Variants in ZNF831 observed in about 807,000 individuals in gnomAD.
ZNF831 encodes the protein chromosome 20 open reading frame 174.
ZNF831 carries 59 observed loss-of-function variants against 95.8 expected under a neutral mutation model. That is an observed-to-expected ratio of 0.62 (90% CI 0.50 to 0.77). The LOEUF is 0.77. ZNF831 is among the 30% of genes least tolerant of loss of function. The pLI is 0.00. For missense variants in ZNF831, 2,205 were observed against 2,164.0 expected, an observed-to-expected ratio of 1.02 and a Z score of -0.38; for synonymous variants, 961 against 925.5, an observed-to-expected ratio of 1.04 and a Z score of -0.70.
chr20:59,188,656 C>CAATAAATAAATAAATAAATA, intron 1 of ZNF831, among the ~76,000 whole-genome samples: 1 of 149,346 alleles, frequency 6.7e-6, no homozygotes, highest in African/African-American at 2.5e-5. Context: ...GACTCCATCT[C>CAATAAATAAATAAATAAATA]AATAAATAAA....
chr20:59,205,367 A>T (rs1271446387), intron 3 of ZNF831, among the ~76,000 whole-genome samples: 1 of 152,146 alleles, frequency 6.6e-6, no homozygotes, highest in African/African-American at 2.4e-5. Context: ...TGCTTCAAAG[A>T]ACAAACCAGC....
intron 4 of ZNF831, among the ~76,000 whole-genome samples, chr20:59,239,061 G>T (rs896669385): frequency 1.3e-5 from 2 of 152,214 alleles, no homozygotes; most frequent in African/African-American, 4.8e-5. Context: ...ACTCCATGAA[G>T]TGATAGAAAG....
In ZNF831 at chr20:59,194,765, T is replaced by TG. The variant is rs766240785; in HGVS notation, c.3738+11dup. 6.5e-7 allele frequency: 1 copy of TG among 1,542,680 alleles called. No individual in the cohort carries two copies. The highest frequency in any genetic ancestry group is 8.7e-7 in the Non-Finnish European group (1 of 1,146,960). Reference sequence around the variant, plus strand: ...CCGGCGCAGATGTCCAAGGTAAAGCTGGGCTTTGCCCCAGGGCCCGGGGTT... The same window carrying TG: ...CCGGCGCAGATGTCCAAGGTAAAGCTGGGGCTTTGCCCCAGGGCCCGGGGTT... On this transcript the variant is annotated intron_variant, in intron 2 of 5. Coordinates refer to ENST00000371030, the MANE Select transcript of ZNF831 (RefSeq NM_178457.3).
At chr20:59,157,150 T>C (rs1980587601) in intron 2 of ZNF831, among the ~76,000 whole-genome samples, 1 of 152,236 alleles carries the variant, frequency 6.6e-6, no homozygotes, top group African/African-American at 2.4e-5. Context: ...TGTTGTGCTA[T>C]CAAATTCTAG....
intron 1 of ZNF831, among the ~76,000 whole-genome samples, chr20:59,178,953 C>T (rs139383118): frequency 3.3e-4 from 51 of 152,306 alleles, no homozygotes; most frequent in African/African-American, 1.1e-3. Context: ...AATAAACACC[C>T]AGTCTCCTTA....
upstream of ZNF831, among the ~76,000 whole-genome samples, chr20:59,161,792 TG>T (rs376526773): frequency 5.0e-3 from 758 of 152,384 alleles, 2 homozygotes; most frequent in Middle Eastern, 0.017. Flanking sequence ...ATGAGATTGC[TG>T]GGTCGAATGG....
rs953813408 is a variant in ZNF831 at position 59,170,666 on chromosome 20, T to G, written c.-37+6459T>G. 2.6e-5 allele frequency among the ~76,000 whole-genome samples: 4 copies of G among 152,292 alleles called. No homozygotes were observed. The East Asian group carries it at 7.7e-4, about 29-fold the overall frequency. On this transcript the variant is annotated intron_variant, in intron 1 of 5. Transcript: ENST00000371030. ...TACTAACTATAATGAAGAGGGACTA[T>G]AAGACATAAGGGAACTCCATGTGGC...
chr20:59,179,763 C>T (rs1982461166), intron 1 of ZNF831, among the ~76,000 whole-genome samples: 1 of 152,130 alleles, frequency 6.6e-6, no homozygotes, highest in African/African-American at 2.4e-5. Flanking sequence ...AGTGTGATAC[C>T]ATTTTGAGAT....
chr20:59,134,134 T>G (rs903638914), intron 1 of ZNF831, among the ~76,000 whole-genome samples: 1 of 152,190 alleles, frequency 6.6e-6, no homozygotes. Flanking sequence ...TAATGTGGAC[T>G]ATCATGCCCA....
chr20:59,179,606 A>C (rs1982446800), intron 1 of ZNF831, among the ~76,000 whole-genome samples: 1 of 151,978 alleles, frequency 6.6e-6, no homozygotes, highest in African/African-American at 2.4e-5. Flanking sequence ...GGCTCCAGGC[A>C]TTCCCTGGCT....
chr20:59,200,222 T>C (rs1984429835), intron 3 of ZNF831, among the ~76,000 whole-genome samples: 2 of 152,232 alleles, frequency 1.3e-5, no homozygotes, highest in African/African-American at 4.8e-5. Flanking sequence ...AGGGCTATTT[T>C]GATTTGTGGA....
chr20:59,186,314 G>C (rs969742294), intron 1 of ZNF831, among the ~76,000 whole-genome samples: 1 of 152,184 alleles, frequency 6.6e-6, no homozygotes, highest in Non-Finnish European at 1.5e-5. Flanking sequence ...CTTGCTAGAG[G>C]CGATGCATGG....
In ZNF831 at chr20:59,193,316, G is replaced by A. The variant is rs370672432; in HGVS notation, c.2297G>A (p.Gly766Asp). ...ELGWQMPPAPGPLKGGDVEAP... is the reference protein window; with the variant it reads ...ELGWQMPPAPDPLKGGDVEAP... ...GGGTGGCAGATGCCCCCAGCACCTG[G>A]CCCCCTCAAAGGGGGTGATGTAGAG... is the stretch of plus-strand genomic sequence containing the variant. The change falls in exon 2 of 6, where the codon GGC becomes GAC. Residue 766 changes from glycine (G) to aspartate (D), a missense_variant. Coordinates refer to ENST00000371030, the MANE Select transcript of ZNF831 (RefSeq NM_178457.3). 72 of 1,612,520 alleles carry A rather than the reference G, an allele frequency of 4.5e-5. No homozygotes were observed. Among genetic ancestry groups the A allele is most frequent in the Non-Finnish European group, 5.7e-5 (67 of 1,179,414 alleles).
chr20:59,181,840 T>C (rs1028991886), intron 1 of ZNF831, among the ~76,000 whole-genome samples: 2 of 151,904 alleles, frequency 1.3e-5, no homozygotes, highest in Non-Finnish European at 2.9e-5. Flanking sequence ...ACATTGAATC[T>C]ATAAATTACT....
intron 1 of ZNF831, among the ~76,000 whole-genome samples, chr20:59,135,680 G>A (rs529144124): frequency 6.1e-4 from 93 of 152,212 alleles, no homozygotes; most frequent in African/African-American, 2.2e-3. Flanking sequence ...GCAGTGAGCC[G>A]AGACTGTGCC....
intron 1 of ZNF831, among the ~76,000 whole-genome samples, chr20:59,167,474 T>G (rs1981374527): frequency 6.6e-6 from 1 of 152,146 alleles, no homozygotes; most frequent in African/African-American, 2.4e-5. Context: ...TATTATATTT[T>G]CCTTTTATGG....
At chr20:59,168,046 T>C (rs78391614) in intron 1 of ZNF831, among the ~76,000 whole-genome samples, 3,094 of 152,346 alleles carry the variant, frequency 0.02, 41 homozygotes, top group Middle Eastern at 0.048. Flanking sequence ...TTATTATCTT[T>C]CTTCAAACTT....
At chr20:59,201,233 A>G (rs1361117797) in intron 3 of ZNF831, among the ~76,000 whole-genome samples, 2 of 152,138 alleles carry the variant, frequency 1.3e-5, no homozygotes, top group Non-Finnish European at 2.9e-5. Flanking sequence ...CTAACAAGTG[A>G]TGATATTCAG....
chr20:59,202,053 A>G (rs1459972159), intron 3 of ZNF831, among the ~76,000 whole-genome samples: 1 of 152,152 alleles, frequency 6.6e-6, no homozygotes, highest in Non-Finnish European at 1.5e-5. Flanking sequence ...TTATTGCTCA[A>G]TGTCCAATGC....
Sources: gnomAD v4.1 joint callset for allele counts (sites outside exome capture counted in the v4.1 genomes callset) on GRCh38, gnomAD v4.1.1 for gene constraint, MANE v1.5 for transcripts, NCBI Gene and HGNC (gene_info 2026-07-23, HGNC 2026-07-21) for gene names.